The following TENM3 variants were observed in gnomAD, a reference collection of about 807,000 sequenced individuals.
The protein encoded by TENM3 is teneurin-3.
TENM3 carries 63 observed loss-of-function variants against 255.1 expected under a neutral mutation model. The ratio of observed to expected loss-of-function variants is 0.25; its 90% CI spans 0.20 to 0.30. The LOEUF is 0.30. Among genes scored for constraint, TENM3 ranks in the 10% least tolerant of loss-of-function variants. TENM3 has a pLI of 1.00. For synonymous variants in TENM3, 1,306 were observed against 1,322.3 expected (o/e 0.99, Z 0.27); for missense variants, 2,929 against 3,461.1 (o/e 0.85, Z 3.86).
the TENM3 span, among the ~76,000 whole-genome samples, chr4:181,928,628 C>T: frequency 6.6e-6 from 1 of 152,100 alleles, no homozygotes; most frequent in South Asian, 2.1e-4. Context: ...TCCAGGAGAA[C>T]TTCCCCAGCC....
the TENM3 span, among the ~76,000 whole-genome samples, chr4:181,897,298 A>AT: frequency 6.6e-6 from 1 of 152,190 alleles, no homozygotes; most frequent in South Asian, 2.1e-4. Context: ...TATTCAGCCC[A>AT]TTTTTTATCC....
At chr4:182,364,324 C>T in intron 3 of TENM3, among the ~76,000 whole-genome samples, 1 of 152,088 alleles carries the variant, frequency 6.6e-6, no homozygotes, top group East Asian at 1.9e-4. Context: ...ACTAGTTTCT[C>T]TTTTAGGATT....
At chr4:182,524,894 G>A (rs969108728) in intron 3 of TENM3, among the ~76,000 whole-genome samples, 19 of 151,738 alleles carry the variant, frequency 1.3e-4, no homozygotes, top group African/African-American at 3.4e-4. Flanking sequence ...GCCTGGTGGC[G>A]CGCACCTGTG....
chr4:182,570,014 T>C (rs1209101618), intron 3 of TENM3, among the ~76,000 whole-genome samples: 2 of 152,236 alleles, frequency 1.3e-5, no homozygotes, highest in Non-Finnish European at 2.9e-5. Flanking sequence ...TTAGTTTGGC[T>C]ACTAGAAAAT....
At chr4:181,708,346 A>G in the TENM3 span, among the ~76,000 whole-genome samples, 1 of 152,240 alleles carries the variant, frequency 6.6e-6, no homozygotes, top group Non-Finnish European at 1.5e-5. Flanking sequence ...GTTTGACAAT[A>G]TATAGCATCG....
intron 3 of TENM3, among the ~76,000 whole-genome samples, chr4:182,572,857 A>G (rs1744535082): frequency 6.6e-6 from 1 of 152,166 alleles, no homozygotes; most frequent in East Asian, 1.9e-4. Context: ...CAGAAGTGCC[A>G]TAAAGATTAA....
the TENM3 span, among the ~76,000 whole-genome samples, chr4:181,562,168 A>C: frequency 6.6e-6 from 1 of 152,040 alleles, no homozygotes; most frequent in Non-Finnish European, 1.5e-5. Flanking sequence ...CTTTGTTTTG[A>C]TATGCAGATA....
the TENM3 span, among the ~76,000 whole-genome samples, chr4:181,961,236 C>T: frequency 6.6e-6 from 1 of 152,160 alleles, no homozygotes; most frequent in African/African-American, 2.4e-5. Flanking sequence ...AAAGGTCAAG[C>T]ACCACGTAAC....
At chr4:182,505,608 A>G (rs1393855341) in intron 3 of TENM3, among the ~76,000 whole-genome samples, 1 of 152,014 alleles carries the variant, frequency 6.6e-6, no homozygotes, top group Non-Finnish European at 1.5e-5. Context: ...CCTCCCGAGT[A>G]GCTGGGATTA....
chr4:181,852,245 A>T, the TENM3 span, among the ~76,000 whole-genome samples: 1 of 152,238 alleles, frequency 6.6e-6, no homozygotes, highest in Non-Finnish European at 1.5e-5. Context: ...CTGGACATGA[A>T]TAAGTCAGTG....
chr4:182,516,287 A>G (rs1386534258), intron 3 of TENM3, among the ~76,000 whole-genome samples: 2 of 152,242 alleles, frequency 1.3e-5, no homozygotes, highest in Non-Finnish European at 2.9e-5. Flanking sequence ...GCTTTTGATT[A>G]TTATTCAATG....
the TENM3 span, among the ~76,000 whole-genome samples, chr4:181,635,181 C>T: frequency 2.0e-5 from 3 of 152,004 alleles, no homozygotes; most frequent in Admixed American, 6.6e-5. Context: ...GCATAGCAAA[C>T]GAGAAAGTTG....
intron 1 of TENM3, among the ~76,000 whole-genome samples, chr4:182,193,583 G>A (rs1753662057): frequency 1.3e-5 from 2 of 152,074 alleles, no homozygotes; most frequent in Non-Finnish European, 2.9e-5. Flanking sequence ...GCGTCCCAGG[G>A]GTATAGCTCT....
intron 3 of TENM3, among the ~76,000 whole-genome samples, chr4:182,586,814 G>A (rs1172235501): frequency 6.6e-6 from 1 of 152,032 alleles, no homozygotes; most frequent in Non-Finnish European, 1.5e-5. Flanking sequence ...AGACAGTAGG[G>A]ACTCAATAAA....
intron 3 of TENM3, among the ~76,000 whole-genome samples, chr4:182,556,033 GCCA>G (rs1742552190): frequency 6.6e-6 from 1 of 151,978 alleles, no homozygotes; most frequent in African/African-American, 2.4e-5. Flanking sequence ...GACCAAATAT[GCCA>G]CCAACTTGAG....
chr4:182,800,596 G>GAA lies in TENM3; in HGVS notation c.*253_*254dup, dbSNP rs11433703. 7.9e-5 allele frequency: 30 copies of GAA among 379,530 alleles called. No individual in the cohort carries two copies. The highest frequency in any genetic ancestry group is 1.8e-4 in the Admixed American group (4 of 22,510). 23.5% of individuals were successfully genotyped at this position (379,530 alleles called of 1,614,324 possible). On this transcript the variant is annotated 3_prime_UTR_variant, in exon 28 of 28. Transcript: ENST00000511685. ...TCAGTCGGACTGAACGTAGCCAGAG[G>GAA]AAAAAAAAATCATCAAGGACAAAGG...
intron 13 of TENM3, among the ~76,000 whole-genome samples, chr4:182,726,817 T>C (rs1162813653): frequency 6.6e-6 from 1 of 152,214 alleles, no homozygotes; most frequent in Non-Finnish European, 1.5e-5. Context: ...CCTTTTAGAC[T>C]GGGCAATTTA....
At chr4:181,594,320 G>A in the TENM3 span, among the ~76,000 whole-genome samples, 5 of 152,004 alleles carry the variant, frequency 3.3e-5, no homozygotes, top group Non-Finnish European at 7.4e-5. Flanking sequence ...TTTTATTTAA[G>A]AGTTAAATAG....
At chr4:182,611,965 T>G (rs1749036261) in intron 4 of TENM3, among the ~76,000 whole-genome samples, 1 of 152,102 alleles carries the variant, frequency 6.6e-6, no homozygotes, top group South Asian at 2.1e-4. Flanking sequence ...TTAACCTTTA[T>G]GTGGTTAAAA....
Sources: gnomAD v4.1 joint callset for allele counts (sites outside exome capture counted in the v4.1 genomes callset) on GRCh38, gnomAD v4.1.1 for gene constraint, MANE v1.5 for transcripts, NCBI Gene and HGNC (gene_info 2026-07-23, HGNC 2026-07-21) for gene names.